Variants in KCNC2 observed in about 807,000 individuals in gnomAD.
KCNC2 encodes potassium voltage-gated channel subfamily C member 2, also known as voltage-gated potassium channel KCNC2.
In KCNC2, 21 loss-of-function variants were observed where a neutral mutation model predicts 44.5. The ratio of observed to expected loss-of-function variants is 0.47; its 90% CI spans 0.33 to 0.68. The LOEUF (loss-of-function observed/expected upper bound fraction) is 0.68, where lower values mean the gene tolerates loss of function less well. Ranked by LOEUF, KCNC2 falls within the 30% of genes least tolerant of loss-of-function variation. The pLI is 0.01. For synonymous variants in KCNC2, 391 were observed against 339.1 expected (o/e 1.15, Z -1.68); for missense variants, 589 against 826.2 (o/e 0.71, Z 3.52).
At chr12:75,053,855 A>T (rs1455341917) in intron 2 of KCNC2, among the ~76,000 whole-genome samples, 1 of 149,796 alleles carries the variant, frequency 6.7e-6, no homozygotes, top group South Asian at 2.1e-4. Context: ...TAATATTTGA[A>T]AAAGAAAACA....
chr12:75,108,478 C>T (rs541641873), intron 2 of KCNC2, among the ~76,000 whole-genome samples: 1 of 152,310 alleles, frequency 6.6e-6, no homozygotes, highest in East Asian at 1.9e-4. Flanking sequence ...CCTTTCAACC[C>T]TCCACAGCCT....
chr12:75,193,096 C>T (rs548996764), intron 2 of KCNC2, among the ~76,000 whole-genome samples: 127 of 151,982 alleles, frequency 8.4e-4, no homozygotes, highest in African/African-American at 2.9e-3. Context: ...ACAACAACAA[C>T]GACAACAAAA....
chr12:75,136,424 G>C (rs1241650467), intron 2 of KCNC2, among the ~76,000 whole-genome samples: 1 of 151,916 alleles, frequency 6.6e-6, no homozygotes, highest in Non-Finnish European at 1.5e-5. Flanking sequence ...AAAATTGATA[G>C]ACCACTAGCT....
At chr12:75,053,043 T>C (rs1424551126) in intron 2 of KCNC2, among the ~76,000 whole-genome samples, 1 of 144,232 alleles carries the variant, frequency 6.9e-6, no homozygotes, top group Non-Finnish European at 1.5e-5. Context: ...GTAAATGTAC[T>C]ACTATTTTTT....
chr12:75,171,466 G>T (rs1300903542), intron 2 of KCNC2, among the ~76,000 whole-genome samples: 2 of 151,824 alleles, frequency 1.3e-5, no homozygotes, highest in South Asian at 4.1e-4. Flanking sequence ...ATCTTTACAG[G>T]ATAAGAATAA....
Position 75,110,520 on chromosome 12 carries a change from G to T in KCNC2, c.688-59203C>A, listed in dbSNP as rs573813737. ...AACCACATGTTTCCACCTAAGAAAA[G>T]TATGTAAGAAGGCAACAAATATCAA... On this transcript the variant is annotated intron_variant, in intron 2 of 4. Coordinates refer to ENST00000549446, the MANE Select transcript of KCNC2 (RefSeq NM_139137.4). Among the ~76,000 whole-genome samples the T allele has an allele frequency of 4.6e-5, 7 of 152,192 alleles. No homozygotes were observed. The South Asian group carries it at 1.5e-3, about 32-fold the overall frequency.
chr12:75,100,024 G>A (rs1331149695), intron 2 of KCNC2, among the ~76,000 whole-genome samples: 1 of 152,050 alleles, frequency 6.6e-6, no homozygotes, highest in Non-Finnish European at 1.5e-5. Context: ...AGGCTAAGGA[G>A]GAAGAAATAC....
At chr12:75,115,306 C>T (rs1887579773) in intron 2 of KCNC2, among the ~76,000 whole-genome samples, 1 of 152,166 alleles carries the variant, frequency 6.6e-6, no homozygotes, top group Admixed American at 6.5e-5. Context: ...TCCTTCCACA[C>T]ATTATCTGAT....
chr12:75,113,439 C>A (rs1178415789), intron 2 of KCNC2, among the ~76,000 whole-genome samples: 1 of 151,924 alleles, frequency 6.6e-6, no homozygotes, highest in Non-Finnish European at 1.5e-5. Context: ...CTGTAATTTT[C>A]AGAAAAAAAT....
rs921649949 is a variant in KCNC2, at chr12:75,041,418, G to A, written c.*1687C>T. The A allele has an allele frequency of 2.1e-5, 27 of 1,296,664 alleles. No individual in the cohort carries two copies. The highest frequency in any genetic ancestry group is 3.0e-4 in the Middle Eastern group (1 of 3,298). 80.3% of individuals were successfully genotyped at this position (1,296,664 alleles called of 1,614,324 possible). On this transcript the variant is annotated 3_prime_UTR_variant, in exon 5 of 5. Transcript: ENST00000549446. ...GGGGATATAGAGTAATACATGTTTC[G>A]TGGCCAATAATAAAAGTGACAATTG...
At chr12:75,196,735 A>G (rs2030800792) in intron 2 of KCNC2, among the ~76,000 whole-genome samples, 1 of 152,104 alleles carries the variant, frequency 6.6e-6, no homozygotes, top group South Asian at 2.1e-4. Flanking sequence ...TTCCATCTCA[A>G]AATCAACTAT....
intron 2 of KCNC2, among the ~76,000 whole-genome samples, chr12:75,185,995 A>C (rs770527278): frequency 1.3e-5 from 2 of 151,874 alleles, no homozygotes; most frequent in Non-Finnish European, 2.9e-5. Flanking sequence ...GCAGTGAGCC[A>C]AGACTGTGCC....
chr12:75,043,767 G>C, intron 4 of KCNC2: 1 of 1,509,234 alleles, frequency 6.6e-7, no homozygotes, highest in Non-Finnish European at 8.8e-7. Context: ...AATGGCATTT[G>C]GTGCCATTAT....
intron 2 of KCNC2, among the ~76,000 whole-genome samples, chr12:75,204,608 A>G (rs987262263): frequency 2.0e-5 from 3 of 151,916 alleles, no homozygotes; most frequent in African/African-American, 2.4e-5. Context: ...AATGAGACTC[A>G]TGATAATAAG....
intron 2 of KCNC2, among the ~76,000 whole-genome samples, chr12:75,179,218 G>A (rs1892392748): frequency 6.6e-6 from 1 of 151,924 alleles, no homozygotes; most frequent in Non-Finnish European, 1.5e-5. Flanking sequence ...GCTTTCTGCA[G>A]GAAATGATAC....
chr12:75,082,526 T>G (rs1884608132), intron 2 of KCNC2, among the ~76,000 whole-genome samples: 1 of 101,106 alleles, frequency 9.9e-6, no homozygotes, highest in Non-Finnish European at 2.0e-5. Context: ...CACGAGATTT[T>G]TTTTTTTTTT....
intron 2 of KCNC2, among the ~76,000 whole-genome samples, chr12:75,117,089 TA>T (rs35598694): frequency 0.083 from 12,431 of 149,996 alleles, 845 homozygotes; most frequent in African/African-American, 0.18. Context: ...CATTGTGGTT[TA>T]AAAAAAAAAT....
chr12:75,053,787 T>G (rs986197424), intron 2 of KCNC2, among the ~76,000 whole-genome samples: 8 of 147,600 alleles, frequency 5.4e-5, no homozygotes, highest in Non-Finnish European at 1.0e-4. Context: ...TTATTTTTAT[T>G]ATATATAACA....
chr12:75,201,287 A>AC (rs2031244534), intron 2 of KCNC2, among the ~76,000 whole-genome samples: 1 of 109,600 alleles, frequency 9.1e-6, no homozygotes, highest in Non-Finnish European at 2.0e-5. Context: ...AAAAAAAAAA[A>AC]AAAAAAAAAA....
Sources: allele counts gnomAD v4.1 joint callset (sites outside exome capture counted in the v4.1 genomes callset), GRCh38; gene constraint gnomAD v4.1.1; transcripts MANE v1.5; gene names NCBI Gene and HGNC (gene_info 2026-07-23, HGNC 2026-07-21).